The following VDR variants were observed in gnomAD, a reference collection of about 807,000 sequenced individuals.
The protein encoded by VDR is vitamin D receptor.
Under a neutral mutation model 39.7 loss-of-function variants are expected in VDR, and 19 were observed. That is an observed-to-expected ratio of 0.48 (90% confidence interval 0.33 to 0.70). VDR has a LOEUF of 0.70. VDR is among the 30% of genes least tolerant of loss of function. The probability of loss-of-function intolerance (pLI) is 0.02; values close to 1 mark genes in which losing one functional copy is unlikely to be tolerated. For missense variants in VDR, 442 were observed against 570.5 expected, an observed-to-expected ratio of 0.77 and a Z score of 2.29; for synonymous variants, 242 against 215.8, an observed-to-expected ratio of 1.12 and a Z score of -1.07.
intron 1 of VDR, among the ~76,000 whole-genome samples, chr12:47,886,444 T>C (rs1046085888): frequency 6.6e-6 from 1 of 152,200 alleles, no homozygotes; most frequent in African/African-American, 2.4e-5. Context: ...CCACCATGTA[T>C]CCATTTTCTT....
chr12:47,879,613 A>G (rs1044583261), intron 2 of VDR, among the ~76,000 whole-genome samples: 1 of 152,138 alleles, frequency 6.6e-6, no homozygotes, highest in Non-Finnish European at 1.5e-5. Context: ...AGAAACCCTC[A>G]GGTCTCCTCC....
chr12:47,871,271 C>A (rs1945850685), intron 3 of VDR, among the ~76,000 whole-genome samples: 1 of 142,014 alleles, frequency 7.0e-6, no homozygotes, highest in African/African-American at 2.5e-5. Context: ...TGGTTTCTTT[C>A]TTTTCTCTTT....
At position 47,846,420 on chromosome 12, in the gene VDR, G is replaced by A. The variant is rs1264767486; in HGVS notation, c.939C>T (p.Leu313=). ...TCTTCAGTCCCACCTGGAACTTGATGAGGGGCTCAATCAGCTCCAGGCTGT... is the reference window on the plus strand; with the variant it reads ...TCTTCAGTCCCACCTGGAACTTGATAAGGGGCTCAATCAGCTCCAGGCTGT... The part of the protein sequence containing the change: ...AGHSLELIEP[L]IKFQVGLKKL... The change falls in exon 9 of 10, where the codon CTC becomes CTT. Residue 313 remains leucine, a synonymous_variant. Transcript: ENST00000549336. 1 of 1,572,582 alleles carries A rather than the reference G, an allele frequency of 6.4e-7. No individual in the cohort carries two copies. Among genetic ancestry groups the A allele is most frequent in the Admixed American group, 1.9e-5 (1 of 53,706 alleles).
At chr12:47,857,101 C>CATAG (rs768327693) in intron 6 of VDR, 28 bp downstream of exon 6, 1 of 1,613,744 alleles carries the variant, frequency 6.2e-7, no homozygotes, top group Admixed American at 1.7e-5. Context: ...CGCTCCCTTA[C>CATAG]TCTATGGAGG....
At chr12:47,859,153 C>T (rs968083178) in intron 4 of VDR, among the ~76,000 whole-genome samples, 3 of 152,134 alleles carry the variant, frequency 2.0e-5, no homozygotes, top group African/African-American at 7.2e-5. Flanking sequence ...TTGGGGAGCC[C>T]AAGATTAGGT....
At chr12:47,851,890 C>A (rs1398113572) in intron 7 of VDR, among the ~76,000 whole-genome samples, 4 of 152,214 alleles carry the variant, frequency 2.6e-5, no homozygotes, top group African/African-American at 9.7e-5. Flanking sequence ...GCTCCTGTAC[C>A]TGCCATATGT....
chr12:47,845,021 T>G lies in VDR; in HGVS notation c.1025-16A>C. 1 of 1,609,590 alleles carries G rather than the reference T, an allele frequency of 6.2e-7. No homozygotes were observed. The highest frequency in any genetic ancestry group is 8.5e-7 in the Non-Finnish European group (1 of 1,179,870). ...CCAGGACGATCTGTGGGCACGGGGA[T>G]AGAGAAGAAGGCACAGGAGCTCTCA... On this transcript the variant is annotated splice_polypyrimidine_tract_variant and intron_variant, in intron 9 of 9. Transcript: ENST00000549336.
At chr12:47,868,124 A>C (rs1177488205) in intron 3 of VDR, among the ~76,000 whole-genome samples, 1 of 152,256 alleles carries the variant, frequency 6.6e-6, no homozygotes, top group Non-Finnish European at 1.5e-5. Context: ...TGGAAGTCTT[A>C]GGGATCTAAG....
At chr12:47,845,426 A>G (rs1945261783) in intron 9 of VDR, among the ~76,000 whole-genome samples, 1 of 152,046 alleles carries the variant, frequency 6.6e-6, no homozygotes, top group South Asian at 2.1e-4. Context: ...CATTCCTGGC[A>G]ACACTCTACC....
Position 47,857,558 on chromosome 12 carries a change from C to T in VDR, c.408G>A (p.Leu136=). ...GGTCGTAGGTCTTATGGTGGGCGTC[C>T]AGCAGTATGGCAATGATGCGCTGCT... is the stretch of plus-strand genomic sequence containing the variant. ...EEQQRIIAIL[L]DAHHKTYDPT... is the part of the protein sequence containing the mutation. Residue 136 remains leucine, a synonymous_variant, in exon 5 of 10, where the codon CTG becomes CTA. Coordinates refer to ENST00000549336, the MANE Select transcript of VDR (RefSeq NM_000376.3). 5 of 1,614,200 alleles carry T rather than the reference C, an allele frequency of 3.1e-6. No individual in the cohort carries two copies. The highest frequency in any genetic ancestry group is 1.3e-5 in the African/African-American group (1 of 75,038).
In VDR at chr12:47,865,220, C is replaced by T. The variant is rs746039894; in HGVS notation, c.147-43G>A. On this transcript the variant is annotated intron_variant, in intron 3 of 9. Transcript: ENST00000549336. ...ACCCTGCCCTGGGTCACTGAACTTC[C>T]GGCTCCTCACCCTGTCATCACGGAG... 3.4e-5 allele frequency: 55 copies of T among 1,602,958 alleles called. 1 individual carries two copies. The highest frequency in any genetic ancestry group is 1.3e-4 in the African/African-American group (10 of 74,794).
At chr12:47,879,468 G>GA (rs1211605047) in intron 2 of VDR, among the ~76,000 whole-genome samples, 1 of 152,212 alleles carries the variant, frequency 6.6e-6, no homozygotes, top group Non-Finnish European at 1.5e-5. Flanking sequence ...TCATATGCAT[G>GA]AACCCATTCA....
At chr12:47,879,610 C>T (rs1291587044) in intron 2 of VDR, among the ~76,000 whole-genome samples, 1 of 152,142 alleles carries the variant, frequency 6.6e-6, no homozygotes, top group African/African-American at 2.4e-5. Flanking sequence ...GAGAGAAACC[C>T]TCAGGTCTCC....
At chr12:47,894,745 C>A (rs1946435325) in intron 1 of VDR, among the ~76,000 whole-genome samples, 1 of 152,224 alleles carries the variant, frequency 6.6e-6, no homozygotes, top group Non-Finnish European at 1.5e-5. Context: ...GCGGGGGAGG[C>A]TGGCCTTGGG....
At chr12:47,862,372 T>C (rs975160215) in intron 4 of VDR, among the ~76,000 whole-genome samples, 15 of 152,238 alleles carry the variant, frequency 9.9e-5, no homozygotes, top group Non-Finnish European at 2.9e-5. Context: ...CCCACAAGCC[T>C]GCCCTTTGGA....
intron 4 of VDR, among the ~76,000 whole-genome samples, chr12:47,859,412 T>C (rs1945561499): frequency 6.6e-6 from 1 of 152,242 alleles, no homozygotes; most frequent in Non-Finnish European, 1.5e-5. Context: ...GCCTCTGTTC[T>C]GGGCATGCTG....
At chr12:47,869,141 T>C (rs1406741491) in intron 3 of VDR, among the ~76,000 whole-genome samples, 4 of 152,240 alleles carry the variant, frequency 2.6e-5, no homozygotes, top group Non-Finnish European at 4.4e-5. Flanking sequence ...ATTTTTCTCA[T>C]GTCACTTTAA....
rs1349471256 is a variant in VDR, at chr12:47,877,139, A to G, written c.146+1829T>C. Among the ~76,000 whole-genome samples, 4 of 152,146 alleles carry G rather than the reference A, an allele frequency of 2.6e-5. No homozygotes were observed. The South Asian group carries it at 6.2e-4, about 24-fold the overall frequency. On this transcript the variant is annotated intron_variant, in intron 3 of 9. Transcript: ENST00000549336. ...GGTGGCTCATGCCTATAATCCTAGA[A>G]CTTTGGGAGGCCAAGATGGAAGGAT...
At position 47,851,171 on chromosome 12, in the gene VDR, A is replaced by C; in HGVS notation, c.756-4363T>G. ...ATTTAGCAGAAGAGGGCAGGGCTGC[A>C]GCTTATGTGGCCTGGTCTCTTGTGT... is the stretch of plus-strand genomic sequence containing the variant. On this transcript the variant is annotated intron_variant, in intron 7 of 9. Coordinates refer to ENST00000549336, the MANE Select transcript of VDR (RefSeq NM_000376.3). 1.3e-5 allele frequency among the ~76,000 whole-genome samples: 2 copies of C among 152,134 alleles called. 1 individual carries two copies. The highest frequency in any genetic ancestry group is 2.9e-5 in the Non-Finnish European group (2 of 68,020).
Sources: allele counts gnomAD v4.1 joint callset (sites outside exome capture counted in the v4.1 genomes callset), GRCh38; gene constraint gnomAD v4.1.1; transcripts MANE v1.5; gene names NCBI Gene and HGNC (gene_info 2026-07-23, HGNC 2026-07-21).